Variants in SPOPL observed in about 807,000 individuals in gnomAD.
SPOPL encodes speckle-type POZ protein-like.
SPOPL carries 23 observed loss-of-function variants against 53.8 expected under a neutral mutation model. That is an observed-to-expected ratio of 0.43 (90% CI 0.31 to 0.61). The LOEUF is 0.61. Among genes scored for constraint, SPOPL ranks in the 20% least tolerant of loss-of-function variants. The probability of loss-of-function intolerance (pLI) is 0.12; values close to 1 mark genes in which losing one functional copy is unlikely to be tolerated. For missense variants in SPOPL, 442 were observed against 466.9 expected (o/e 0.95, Z 0.49); for synonymous variants, 164 against 149.7 (o/e 1.10, Z -0.70).
intron 1 of SPOPL, among the ~76,000 whole-genome samples, chr2:138,545,910 T>C (rs956857217): frequency 1.2e-4 from 18 of 152,324 alleles, no homozygotes; most frequent in African/African-American, 4.3e-4. Context: ...CTATATAGTT[T>C]AGTGATTCAT....
At chr2:138,558,733 T>C (rs938071132) in intron 5 of SPOPL, among the ~76,000 whole-genome samples, 1 of 152,150 alleles carries the variant, frequency 6.6e-6, no homozygotes, top group Non-Finnish European at 1.5e-5. Context: ...TATTGTGGCT[T>C]TTCTATTGAG....
chr2:138,528,749 A>C (rs1027118807), intron 1 of SPOPL, among the ~76,000 whole-genome samples: 1 of 152,196 alleles, frequency 6.6e-6, no homozygotes, highest in Non-Finnish European at 1.5e-5. Context: ...TGTTACTTAC[A>C]TGCTGGAAAG....
intron 1 of SPOPL, among the ~76,000 whole-genome samples, chr2:138,544,249 C>G (rs1187141450): frequency 1.3e-5 from 2 of 152,204 alleles, no homozygotes; most frequent in East Asian, 3.9e-4. Flanking sequence ...AACCACTGCT[C>G]TCTTCAAGGC....
At chr2:138,558,986 G>A (rs1685485064) in intron 5 of SPOPL, 36 bp from the exon 6 acceptor site, 2 of 1,527,788 alleles carry the variant, frequency 1.3e-6, no homozygotes, top group Non-Finnish European at 1.8e-6. Context: ...ATATTACTTT[G>A]TGAAAGTGTT....
chr2:138,523,141 G>A (rs1214857672), intron 1 of SPOPL, among the ~76,000 whole-genome samples: 1 of 152,196 alleles, frequency 6.6e-6, no homozygotes. Context: ...CAAAAGAAAG[G>A]TTTAGTTGGA....
intron 8 of SPOPL, among the ~76,000 whole-genome samples, chr2:138,561,846 G>A (rs1685555955): frequency 6.6e-6 from 1 of 152,062 alleles, no homozygotes; most frequent in African/African-American, 2.4e-5. Context: ...CCAATAATAG[G>A]TAAGTTTTCA....
At chr2:138,506,440 A>G (rs529178546) in intron 1 of SPOPL, among the ~76,000 whole-genome samples, 1 of 152,350 alleles carries the variant, frequency 6.6e-6, no homozygotes, top group African/African-American at 2.4e-5. Flanking sequence ...CTGTTACAAT[A>G]ATGTAGTCAA....
chr2:138,535,009 G>A (rs1417080524), intron 1 of SPOPL, among the ~76,000 whole-genome samples: 2 of 152,122 alleles, frequency 1.3e-5, no homozygotes, highest in African/African-American at 2.4e-5. Flanking sequence ...TCAGCACTTT[G>A]GGAGGCTGAG....
chr2:138,567,353 C>G (rs975322873), intron 10 of SPOPL, among the ~76,000 whole-genome samples: 1 of 140,774 alleles, frequency 7.1e-6, no homozygotes, highest in African/African-American at 2.7e-5. Flanking sequence ...AAAGTTTTAA[C>G]AATGAGAAAG....
chr2:138,525,078 A>T (rs1393685447), intron 1 of SPOPL, among the ~76,000 whole-genome samples: 1 of 152,212 alleles, frequency 6.6e-6, no homozygotes, highest in Non-Finnish European at 1.5e-5. Context: ...CATGCTGCTG[A>T]TAAAGACATA....
chr2:138,552,730 G>C, intron 5 of SPOPL, 49 bp downstream of exon 5: 1 of 1,571,888 alleles, frequency 6.4e-7, no homozygotes. Flanking sequence ...TTAGTGATAT[G>C]GCAAAAGTAT....
chr2:138,526,516 A>G (rs1287409566), intron 1 of SPOPL, among the ~76,000 whole-genome samples: 2 of 152,100 alleles, frequency 1.3e-5, no homozygotes, highest in Non-Finnish European at 2.9e-5. Flanking sequence ...ATGTTTTACA[A>G]TACATATATT....
chr2:138,502,702 ATAC>A (rs1684132882), intron 1 of SPOPL, among the ~76,000 whole-genome samples: 1 of 152,122 alleles, frequency 6.6e-6, no homozygotes, highest in Admixed American at 6.5e-5. Flanking sequence ...TTGCTCACTT[ATAC>A]CAGAGTACAT....
chr2:138,524,372 G>A (rs905840849), intron 1 of SPOPL, among the ~76,000 whole-genome samples: 10 of 152,202 alleles, frequency 6.6e-5, no homozygotes, highest in African/African-American at 1.9e-4. Context: ...GGGAGGGGCT[G>A]CTGCAAAGGT....
chr2:138,560,344 G>A (rs1416733614), intron 7 of SPOPL, among the ~76,000 whole-genome samples: 1 of 152,026 alleles, frequency 6.6e-6, no homozygotes, highest in African/African-American at 2.4e-5. Flanking sequence ...TTAGGACCTA[G>A]GGATTCAACA....
intron 1 of SPOPL, among the ~76,000 whole-genome samples, chr2:138,524,467 A>T (rs1035171438): frequency 1.3e-5 from 2 of 152,212 alleles, no homozygotes; most frequent in Non-Finnish European, 2.9e-5. Flanking sequence ...TCTGCAGCTG[A>T]CTTGAACTTC....
chr2:138,551,757 A>G (rs918731145), intron 4 of SPOPL, among the ~76,000 whole-genome samples: 2 of 152,022 alleles, frequency 1.3e-5, no homozygotes, highest in Non-Finnish European at 2.9e-5. Context: ...TCACCTTAAG[A>G]TAGTGGAGTA....
At chr2:138,518,189 A>T (rs555771082) in intron 1 of SPOPL, among the ~76,000 whole-genome samples, 2 of 152,090 alleles carry the variant, frequency 1.3e-5, no homozygotes, top group Non-Finnish European at 2.9e-5. Context: ...CGGAAGCTTT[A>T]ATAAAATGTT....
At chr2:138,528,583 T>TA (rs1684728987) in intron 1 of SPOPL, among the ~76,000 whole-genome samples, 1 of 152,188 alleles carries the variant, frequency 6.6e-6, no homozygotes, top group South Asian at 2.1e-4. Context: ...CCTTGAACCA[T>TA]ATGCATTTTT....
Sources: allele counts gnomAD v4.1 joint callset (sites outside exome capture counted in the v4.1 genomes callset), GRCh38; gene constraint gnomAD v4.1.1; transcripts MANE v1.5; gene names NCBI Gene and HGNC (gene_info 2026-07-23, HGNC 2026-07-21).